PRELID2: variants seen among roughly 807,000 people sequenced by gnomAD.
PRELID2 encodes the protein PRELI domain-containing protein 2.
A neutral mutation model predicts 28.4 loss-of-function variants in PRELID2; 25 were observed. The observed-to-expected ratio is 0.88, with a 90% confidence interval of 0.64 to 1.23. PRELID2 has a LOEUF of 1.23. PRELID2 is among the 50% of genes most tolerant of loss of function. PRELID2 has a pLI of 0.00. For missense variants in PRELID2, 201 were observed against 214.4 expected, an observed-to-expected ratio of 0.94 and a Z score of 0.39; for synonymous variants, 76 against 71.6, an observed-to-expected ratio of 1.06 and a Z score of -0.31.
chr5:145,615,467 C>T (rs111249169), intron 1 of PRELID2, among the ~76,000 whole-genome samples: 7,056 of 143,196 alleles, frequency 0.049, 823 homozygotes, highest in African/African-American at 0.18. Context: ...GCTGGGACTA[C>T]AGGTGCCCGC....
intron 1 of PRELID2, among the ~76,000 whole-genome samples, chr5:145,583,083 C>T (rs144263082): frequency 0.016 from 2,492 of 152,234 alleles, 79 homozygotes; most frequent in African/African-American, 0.057. Flanking sequence ...CATCAAAAAG[C>T]TTATCCACCA....
chr5:145,463,342 G>GTTT, the PRELID2 span, among the ~76,000 whole-genome samples: 37 of 135,802 alleles, frequency 2.7e-4, no homozygotes, highest in South Asian at 2.6e-3. Context: ...CCTATTTGAA[G>GTTT]TTTTTTTTTT....
At chr5:145,823,167 T>G in intron 1 of PRELID2, 33 bp from the exon 2 acceptor site, 1 of 1,047,226 alleles carries the variant, frequency 9.5e-7, no homozygotes, top group South Asian at 1.3e-5. Flanking sequence ...GAATTACCAT[T>G]AATCTTCTAC....
chr5:145,512,039 C>A (rs1308767378), intron 1 of PRELID2, among the ~76,000 whole-genome samples: 1 of 152,032 alleles, frequency 6.6e-6, no homozygotes, highest in Non-Finnish European at 1.5e-5. Context: ...GGAAAATGAG[C>A]AAGAAGAGGG....
chr5:145,383,562 C>T, the PRELID2 span, among the ~76,000 whole-genome samples: 1 of 149,428 alleles, frequency 6.7e-6, no homozygotes, highest in African/African-American at 2.5e-5. Context: ...GAAGCCAATG[C>T]ACTTCAATAG....
chr5:145,306,383 T>G, the PRELID2 span, among the ~76,000 whole-genome samples: 1 of 152,140 alleles, frequency 6.6e-6, no homozygotes. Flanking sequence ...AAAAATGAAA[T>G]AAATATTTTA....
chr5:145,425,726 T>C, the PRELID2 span, among the ~76,000 whole-genome samples: 8 of 152,032 alleles, frequency 5.3e-5, no homozygotes, highest in African/African-American at 9.7e-5. Flanking sequence ...GGACACATGG[T>C]GGGAAACAAT....
chr5:145,532,222 C>T (rs965304430), intron 1 of PRELID2, among the ~76,000 whole-genome samples: 2 of 152,048 alleles, frequency 1.3e-5, no homozygotes, highest in Non-Finnish European at 2.9e-5. Flanking sequence ...GTGTGATTAA[C>T]TCTTCTTCAT....
intron 1 of PRELID2, among the ~76,000 whole-genome samples, chr5:145,547,938 T>A (rs1007097809): frequency 6.6e-6 from 1 of 152,182 alleles, no homozygotes; most frequent in South Asian, 2.1e-4. Flanking sequence ...TTCACTCTTA[T>A]AATGATCAGT....
the PRELID2 span, among the ~76,000 whole-genome samples, chr5:145,402,919 T>C: frequency 1.5e-4 from 23 of 152,276 alleles, no homozygotes; most frequent in South Asian, 4.8e-3. Flanking sequence ...GCCATCCAGA[T>C]ACTATACACT....
chr5:145,309,606 A>T, the PRELID2 span, among the ~76,000 whole-genome samples: 1 of 152,178 alleles, frequency 6.6e-6, no homozygotes, highest in Non-Finnish European at 1.5e-5. Flanking sequence ...ATTTGATTCT[A>T]CTCTCACTAA....
the PRELID2 span, among the ~76,000 whole-genome samples, chr5:145,411,704 C>T: frequency 6.6e-6 from 1 of 152,184 alleles, no homozygotes; most frequent in African/African-American, 2.4e-5. Context: ...AGTGGAGACT[C>T]TGTGTGGGGG....
At chr5:145,333,735 C>A in the PRELID2 span, among the ~76,000 whole-genome samples, 2 of 151,644 alleles carry the variant, frequency 1.3e-5, no homozygotes, top group Non-Finnish European at 2.9e-5. Context: ...CTGAGCTAGA[C>A]CACTTTGCTC....
intron 1 of PRELID2, among the ~76,000 whole-genome samples, chr5:145,645,537 A>C (rs539040244): frequency 7.9e-4 from 120 of 151,944 alleles, no homozygotes; most frequent in South Asian, 2.7e-3. Context: ...ATTTACATTT[A>C]AGGTTAACAT....
the PRELID2 span, among the ~76,000 whole-genome samples, chr5:145,265,470 A>G: frequency 6.6e-6 from 1 of 152,080 alleles, no homozygotes; most frequent in Non-Finnish European, 1.5e-5. Flanking sequence ...AAAAACAATC[A>G]TAAAATTCAT....
intron 1 of PRELID2, among the ~76,000 whole-genome samples, chr5:145,582,751 A>G (rs1203037221): frequency 6.6e-6 from 1 of 152,126 alleles, no homozygotes; most frequent in East Asian, 1.9e-4. Flanking sequence ...ACCAGGAAGA[A>G]AATGAATCCC....
At chr5:145,461,660 C>T in the PRELID2 span, among the ~76,000 whole-genome samples, 1 of 152,132 alleles carries the variant, frequency 6.6e-6, no homozygotes, top group Non-Finnish European at 1.5e-5. Context: ...TCCTATCCCA[C>T]TGGATGGTCT....
At chr5:145,743,593 G>A (rs1476697159) in intron 1 of PRELID2, among the ~76,000 whole-genome samples, 1 of 54,330 alleles carries the variant, frequency 1.8e-5, no homozygotes, top group Non-Finnish European at 4.4e-5. Flanking sequence ...AAGCCACACG[G>A]GGAATCCCCA....
In PRELID2 at chr5:145,756,852, G is replaced by C. The variant is rs966918245; in HGVS notation, c.*3684C>G. The stretch of plus-strand genomic sequence containing the variant: ...TAGAGGTAGGCACAGTAATGGGAGA[G>C]ATAAATGACAGATAAAAGTGAGGGA... On this transcript the variant is annotated 3_prime_UTR_variant, in exon 7 of 7. Coordinates refer to ENST00000683046, the MANE Select transcript of PRELID2 (RefSeq NM_205846.3). Among the ~76,000 whole-genome samples, 1 of 152,140 alleles carries C rather than the reference G, an allele frequency of 6.6e-6. No individual in the cohort carries two copies. The highest frequency in any genetic ancestry group is 1.5e-5 in the Non-Finnish European group (1 of 68,034).
Sources: gnomAD v4.1 joint callset for allele counts (sites outside exome capture counted in the v4.1 genomes callset) on GRCh38, gnomAD v4.1.1 for gene constraint, MANE v1.5 for transcripts, NCBI Gene and HGNC (gene_info 2026-07-23, HGNC 2026-07-21) for gene names.